SYTL5: variants seen among roughly 807,000 people sequenced by gnomAD.
SYTL5 encodes synaptotagmin like 5, also known as synaptotagmin-like protein 5.
Under a neutral mutation model 55.9 loss-of-function variants are expected in SYTL5, and 34 were observed. That is an observed-to-expected ratio of 0.61 (90% CI 0.46 to 0.81). The LOEUF (loss-of-function observed/expected upper bound fraction) is 0.81, where lower values mean the gene tolerates loss of function less well. SYTL5 is among the 30% of genes least tolerant of loss of function. The probability of loss-of-function intolerance (pLI) is 0.00; values close to 1 mark genes in which losing one functional copy is unlikely to be tolerated. For missense variants in SYTL5, 637 were observed against 546.7 expected (o/e 1.17, Z -1.65); for synonymous variants, 221 against 188.7 (o/e 1.17, Z -1.40).
chrX:37,964,716 G>A, the SYTL5 span, among the ~76,000 whole-genome samples: 373 of 111,004 alleles, frequency 3.4e-3, 3 homozygotes, highest in African/African-American at 0.012. Flanking sequence ...AAGACATCTG[G>A]TCCTGGGCTT....
intron 15 of SYTL5, among the ~76,000 whole-genome samples, chrX:38,125,049 G>C (rs759394228): frequency 1.8e-5 from 2 of 111,876 alleles, no homozygotes; most frequent in African/African-American, 6.5e-5. Context: ...GCATTCAATA[G>C]TGTCTATTAC....
chrX:37,972,136 C>T, the SYTL5 span, among the ~76,000 whole-genome samples: 2 of 110,714 alleles, frequency 1.8e-5, no homozygotes, highest in African/African-American at 6.6e-5. Context: ...ATGAGGCTCC[C>T]GGTCACCCAA....
the SYTL5 span, among the ~76,000 whole-genome samples, chrX:37,947,807 T>C: frequency 8.9e-6 from 1 of 111,835 alleles, no homozygotes; most frequent in African/African-American, 3.2e-5. Flanking sequence ...TTCAGTTTCC[T>C]CACATTAAGT....
the SYTL5 span, among the ~76,000 whole-genome samples, chrX:37,989,377 G>A: frequency 0.021 from 2,327 of 111,961 alleles, 28 homozygotes; most frequent in Middle Eastern, 0.032. Flanking sequence ...AGAAATGAAA[G>A]AAGTCTACAG....
At position 38,125,488 on chromosome X, in the gene SYTL5, C is replaced by A. The variant is rs866376299; in HGVS notation, c.2032C>A (p.Arg678Ser). 1 of 1,208,682 alleles carries A rather than the reference C, an allele frequency of 8.3e-7. No individual in the cohort carries two copies. The change falls in exon 16 of 17, where the codon CGT becomes AGT. Residue 678 changes from arginine to serine, a missense_variant. Coordinates refer to ENST00000297875, the MANE Select transcript of SYTL5 (RefSeq NM_138780.3). ...CAGCAACATCTTTCTGGGAGGAGTT[C>A]GTTTGAATTCTGGAAGTGGTGAGGG... ...FSSNIFLGGVRLNSGSGVSHG... is the reference protein window; with the variant it reads ...FSSNIFLGGVSLNSGSGVSHG...
Position 38,076,560 on chromosome X carries a change from A to G in SYTL5, c.555-7A>G, listed in dbSNP as rs1936395158. ...ATCTAATTTTAAATACATATATATA[A>G]TTTCAGATTTCTTCTTAGCAAGTTC... is the stretch of plus-strand genomic sequence containing the variant. On this transcript the variant is annotated splice_polypyrimidine_tract_variant and splice_region_variant and intron_variant, in intron 5 of 16. Transcript: ENST00000297875. 2 of 1,158,105 alleles carry G rather than the reference A, an allele frequency of 1.7e-6. No homozygotes were observed. The highest frequency in any genetic ancestry group is 2.3e-6 in the Non-Finnish European group (2 of 860,410).
At chrX:38,121,900 T>A (rs1337572488) in intron 14 of SYTL5, among the ~76,000 whole-genome samples, 180 bp from the exon 15 acceptor site, 2 of 112,534 alleles carry the variant, frequency 1.8e-5, no homozygotes, top group Admixed American at 1.9e-4. Context: ...CTGGAAGGAA[T>A]CCAATGGGGG....
At chrX:38,108,776 T>C in intron 12 of SYTL5, 77 bp downstream of exon 12, 1 of 627,011 alleles carries the variant, frequency 1.6e-6, no homozygotes, top group Non-Finnish European at 2.5e-6. Flanking sequence ...CTACAGAGAA[T>C]ATTTTATTTG....
chrX:37,893,735 ATAGATAAACTATAGAT>A, the SYTL5 span, among the ~76,000 whole-genome samples: 1 of 84,436 alleles, frequency 1.2e-5, no homozygotes, highest in African/African-American at 4.8e-5. Context: ...TATATAATCT[ATAGATAAACTATAGAT>A]TATATATAAT....
chrX:38,031,778 A>G (rs1221396674), intron 1 of SYTL5, among the ~76,000 whole-genome samples: 1 of 112,083 alleles, frequency 8.9e-6, no homozygotes, highest in Non-Finnish European at 1.9e-5. Flanking sequence ...GCAAAAAACA[A>G]TTAACCTTTC....
intron 15 of SYTL5, 28 bp from the exon 16 acceptor site, chrX:38,125,270 G>C: frequency 8.5e-7 from 1 of 1,176,552 alleles, no homozygotes; most frequent in Non-Finnish European, 1.2e-6. Context: ...CTGTCTTATT[G>C]ATGATTTGAT....
chrX:37,919,351 C>T, the SYTL5 span, among the ~76,000 whole-genome samples: 2 of 111,592 alleles, frequency 1.8e-5, no homozygotes, highest in Admixed American at 1.9e-4. Context: ...GGAGTTTGAC[C>T]TCATTTCACG....
chrX:37,951,397 T>TA, the SYTL5 span, among the ~76,000 whole-genome samples: 3 of 111,278 alleles, frequency 2.7e-5, no homozygotes, highest in Non-Finnish European at 5.7e-5. Flanking sequence ...TGAGTTTTTT[T>TA]AAAAAAATCA....
At chrX:38,084,707 A>T (rs1936627018) in intron 6 of SYTL5, among the ~76,000 whole-genome samples, 1 of 56,389 alleles carries the variant, frequency 1.8e-5, no homozygotes, top group African/African-American at 2.1e-4. Context: ...TGGCATACAC[A>T]CAGAGATCAA....
chrX:37,962,535 C>T, the SYTL5 span, among the ~76,000 whole-genome samples: 229 of 111,917 alleles, frequency 2.0e-3, 1 homozygote, highest in African/African-American at 7.1e-3. Context: ...AATAAACATA[C>T]GTGTGCATGT....
chrX:37,912,515 G>A, the SYTL5 span, among the ~76,000 whole-genome samples: 1 of 111,431 alleles, frequency 9.0e-6, no homozygotes, highest in East Asian at 2.8e-4. Context: ...ACACTTATGA[G>A]TGTTGTGGGT....
At chrX:38,045,737 A>C (rs1009107642) in intron 2 of SYTL5, among the ~76,000 whole-genome samples, 1 of 112,309 alleles carries the variant, frequency 8.9e-6, no homozygotes, top group Non-Finnish European at 1.9e-5. Context: ...ACTTTTTCCC[A>C]GTTCTCAGAG....
chrX:38,092,186 T>G (rs933603508), intron 7 of SYTL5, among the ~76,000 whole-genome samples: 2 of 112,291 alleles, frequency 1.8e-5, no homozygotes, highest in Admixed American at 1.9e-4. Flanking sequence ...AATGTTCTTT[T>G]CTGCTCTAGC....
At chrX:38,022,272 A>G (rs1421377863) in intron 1 of SYTL5, among the ~76,000 whole-genome samples, 1 of 112,532 alleles carries the variant, frequency 8.9e-6, no homozygotes, top group African/African-American at 3.2e-5. Context: ...CTGTAAGAGA[A>G]GTATGAAAAT....
Sources: allele counts gnomAD v4.1 joint callset (sites outside exome capture counted in the v4.1 genomes callset), GRCh38; gene constraint gnomAD v4.1.1; transcripts MANE v1.5; gene names NCBI Gene and HGNC (gene_info 2026-07-23, HGNC 2026-07-21).